Variants in LGI1 observed in about 807,000 individuals in gnomAD.
LGI1 encodes leucine rich glioma inactivated 1.
A neutral mutation model predicts 57.7 loss-of-function variants in LGI1; 11 were observed. The ratio of observed to expected loss-of-function variants is 0.19; its 90% CI spans 0.12 to 0.32. The LOEUF is 0.32. Among genes scored for constraint, LGI1 ranks in the 10% least tolerant of loss-of-function variants. The pLI is 1.00. For missense variants in LGI1, 422 were observed against 661.9 expected (o/e 0.64, Z 3.98); for synonymous variants, 222 against 241.9 (o/e 0.92, Z 0.76).
intron 4 of LGI1, chr10:93,780,310 C>T (rs963140905): frequency 6.6e-6 from 1 of 152,582 alleles, no homozygotes; most frequent in Non-Finnish European, 1.5e-5. Context: ...GATCTGAAAC[C>T]CAAATTTCCC....
At position 93,761,226 on chromosome 10, in the gene LGI1, G is replaced by A. The variant is rs539682736; in HGVS notation, c.287+2395G>A. ...GTGCCCTGAAAACCCCATATGGGCT[G>A]CCAATCCCCCTTTGGAACATGAAGA... On this transcript the variant is annotated intron_variant, in intron 2 of 7. Transcript: ENST00000371418. 1.5e-3 allele frequency among the ~76,000 whole-genome samples: 222 copies of A among 152,248 alleles called. 1 individual carries two copies. The highest frequency in any genetic ancestry group is 4.8e-3 in the African/African-American group (198 of 41,530).
At chr10:93,786,887 C>A (rs1339724476) in intron 4 of LGI1, among the ~76,000 whole-genome samples, 1 of 152,214 alleles carries the variant, frequency 6.6e-6, no homozygotes, top group Non-Finnish European at 1.5e-5. Context: ...AGCCACCATG[C>A]CCTGGCAACC....
chr10:93,767,612 G>A (rs1435826226), intron 2 of LGI1: 2 of 152,168 alleles, frequency 1.3e-5, no homozygotes, highest in Admixed American at 6.5e-5. Context: ...GGATACGCAG[G>A]TGGAAAGAAT....
Position 93,797,827 on chromosome 10 carries a change from T to A in LGI1, c.*24T>A. 6.6e-7 allele frequency: 1 copy of A among 1,516,292 alleles called. No homozygotes were observed. The highest frequency in any genetic ancestry group is 1.4e-5 in the African/African-American group (1 of 73,278). The allele number at this position is 1,516,292 out of a possible 1,614,324, so 93.9% of individuals were successfully genotyped here. Reference sequence around the variant, plus strand: ...GAGACACCAAATTCTGTGGCTGCCATCAGAAATTTTCTACAGTACATGACC... The same window carrying A: ...GAGACACCAAATTCTGTGGCTGCCAACAGAAATTTTCTACAGTACATGACC... On this transcript the variant is annotated 3_prime_UTR_variant, in exon 8 of 8. Coordinates refer to ENST00000371418, the MANE Select transcript of LGI1 (RefSeq NM_005097.4). The surrounding 1 kb of genome is among the most constrained non-coding windows in gnomAD (Gnocchi z 6.5).
At chr10:93,789,241 G>C (rs963915095) in intron 4 of LGI1, 1 of 152,186 alleles carries the variant, frequency 6.6e-6, no homozygotes, top group African/African-American at 2.4e-5. Context: ...AGATGGATAG[G>C]TTTTTATAAG....
At chr10:93,784,308 G>A (rs2059877681) in intron 4 of LGI1, among the ~76,000 whole-genome samples, 1 of 152,080 alleles carries the variant, frequency 6.6e-6, no homozygotes. Flanking sequence ...CTAAGTACGT[G>A]GCCTAAAGTA....
Position 93,758,904 on chromosome 10 carries a change from C to A in LGI1, c.287+73C>A. The A allele has an allele frequency of 9.3e-7, 1 of 1,077,036 alleles. No homozygotes were observed. Among genetic ancestry groups the A allele is most frequent in the Non-Finnish European group, 1.4e-6 (1 of 701,172 alleles). The allele number at this position is 1,077,036 out of a possible 1,614,324, so 66.7% of individuals were successfully genotyped here. On this transcript the variant is annotated intron_variant, in intron 2 of 7. Coordinates refer to ENST00000371418, the MANE Select transcript of LGI1 (RefSeq NM_005097.4). The surrounding 1 kb of genome is among the most constrained non-coding windows in gnomAD (Gnocchi z 4.7). Reference sequence around the variant, plus strand: ...GATAAGCCTTCTAGTAAAATGATCTCAATATTAATTTTGTCAAATGTGATT... The same window carrying A: ...GATAAGCCTTCTAGTAAAATGATCTAAATATTAATTTTGTCAAATGTGATT...
intron 4 of LGI1, among the ~76,000 whole-genome samples, chr10:93,782,124 G>C (rs1226914069): frequency 6.6e-6 from 1 of 152,112 alleles, no homozygotes; most frequent in African/African-American, 2.4e-5. Context: ...AGCTCAATAG[G>C]ACAAGTTTAT....
chr10:93,773,089 C>CAA (rs59656970), intron 2 of LGI1, among the ~76,000 whole-genome samples: 5 of 128,032 alleles, frequency 3.9e-5, no homozygotes, highest in Admixed American at 1.6e-4. Context: ...AAAAAAGAAA[C>CAA]AAAAAAAAAA....
chr10:93,788,572 A>G (rs947066677), intron 4 of LGI1: 2 of 152,200 alleles, frequency 1.3e-5, no homozygotes. Flanking sequence ...CAGGATTCAA[A>G]CATAGCTCAG....
At chr10:93,771,838 A>T (rs1264021916) in intron 2 of LGI1, 8 of 152,162 alleles carry the variant, frequency 5.3e-5, no homozygotes, top group Non-Finnish European at 8.8e-5. Flanking sequence ...TAGCCGGCAC[A>T]GTGGCACATG....
At position 93,758,814 on chromosome 10, in the gene LGI1, G is replaced by T; in HGVS notation, c.270G>T (p.Thr90=). ...TCTCAGAAGGGAGTTTTTTATTCAC[G>T]CCATCGCTGCAGCTCTTGTGAGAAA... ...TEISEGSFLF[T]PSLQLLLFTS... is the part of the protein sequence containing the mutation. Residue 90 remains threonine, a synonymous_variant, in exon 2 of 8, where the codon ACG becomes ACT. Transcript: ENST00000371418. This position sits in a 1 kb window ranked among gnomAD's most constrained non-coding sequence, Gnocchi z 4.7. 2.5e-6 allele frequency: 4 copies of T among 1,610,880 alleles called. No individual in the cohort carries two copies. In the South Asian group the frequency reaches 4.4e-5, roughly 18 times the overall value.
intron 4 of LGI1, among the ~76,000 whole-genome samples, chr10:93,781,672 A>C (rs1268495891): frequency 6.6e-6 from 1 of 152,194 alleles, no homozygotes; most frequent in East Asian, 1.9e-4. Flanking sequence ...TTTGGTAATC[A>C]GGAAAACATG....
chr10:93,789,947 A>T, intron 4 of LGI1, 152 bp from the exon 5 acceptor site: 1 of 683,756 alleles, frequency 1.5e-6, no homozygotes, highest in Non-Finnish European at 2.5e-6. Flanking sequence ...AATAGCAGGA[A>T]TCTGAGTAGT....
At chr10:93,793,379 G>C (rs909649461) in intron 7 of LGI1, 29 bp downstream of exon 7, 2 of 1,602,664 alleles carry the variant, frequency 1.2e-6, no homozygotes, top group African/African-American at 1.3e-5. Context: ...TATTTTGAGT[G>C]GTAATTTAAA....
chr10:93,792,575 C>G, intron 5 of LGI1, 168 bp from the exon 6 acceptor site: 2 of 710,762 alleles, frequency 2.8e-6, no homozygotes, highest in Non-Finnish European at 5.1e-6. Context: ...ATGGTGCTAA[C>G]TCTCTGAGCC....
At chr10:93,789,959 G>A in intron 4 of LGI1, 140 bp from the exon 5 acceptor site, 1 of 771,020 alleles carries the variant, frequency 1.3e-6, no homozygotes, top group Non-Finnish European at 2.1e-6. Flanking sequence ...CTGAGTAGTA[G>A]TTCAGAAGAA....
chr10:93,790,705 G>C (rs1252097594), intron 5 of LGI1: 2 of 152,712 alleles, frequency 1.3e-5, no homozygotes, highest in African/African-American at 2.4e-5. Context: ...GCCCCAGGAA[G>C]GGAATGAACT....
chr10:93,768,757 C>G (rs915403870), intron 2 of LGI1: 3 of 152,216 alleles, frequency 2.0e-5, no homozygotes, highest in African/African-American at 2.4e-5. Context: ...CTAGCCCCAC[C>G]ACTGACAAAA....
Sources: allele counts gnomAD v4.1 joint callset (sites outside exome capture counted in the v4.1 genomes callset), GRCh38; gene constraint gnomAD v4.1.1; non-coding constraint Gnocchi (gnomAD v3.1); transcripts MANE v1.5; gene names NCBI Gene and HGNC (gene_info 2026-07-23, HGNC 2026-07-21).